CNGB1: variants seen among roughly 807,000 people sequenced by gnomAD.
The protein encoded by CNGB1 is cyclic nucleotide-gated channel beta-1.
A neutral mutation model predicts 151.7 loss-of-function variants in CNGB1; 126 were observed. That is an observed-to-expected ratio of 0.83 (90% confidence interval 0.72 to 0.96). CNGB1 has a LOEUF of 0.96. Among genes scored for constraint, CNGB1 ranks in the 40% least tolerant of loss-of-function variants. CNGB1 has a pLI of 0.00. For synonymous variants in CNGB1, 623 were observed against 635.1 expected (o/e 0.98, Z 0.29); for missense variants, 1,698 against 1,627.0 (o/e 1.04, Z -0.75).
intron 14 of CNGB1, among the ~76,000 whole-genome samples, 161 bp from the exon 15 acceptor site, chr16:57,940,482 A>T (rs1219018165): frequency 1.3e-5 from 2 of 152,152 alleles, no homozygotes; most frequent in African/African-American, 4.8e-5. Flanking sequence ...GTGTCCTACT[A>T]ACAATCACCC....
intron 14 of CNGB1, 43 bp downstream of exon 14, chr16:57,949,310 C>T (rs1220474499): frequency 6.2e-7 from 1 of 1,602,996 alleles, no homozygotes; most frequent in South Asian, 1.1e-5. Flanking sequence ...TCAGCCAACC[C>T]CAGCCCCAGG....
chr16:57,962,887 C>A lies in CNGB1; in HGVS notation c.382-15G>T. On this transcript the variant is annotated splice_polypyrimidine_tract_variant and intron_variant, in intron 5 of 32. Coordinates refer to ENST00000251102, the MANE Select transcript of CNGB1 (RefSeq NM_001297.5). ...TGCCCCAGGATCTGCCAGGGACAGA[C>A]AGACAGACATGGGCAGGGAGCCCAA... is the stretch of plus-strand genomic sequence containing the variant. 1 of 1,612,636 alleles carries A rather than the reference C, an allele frequency of 6.2e-7. No homozygotes were observed. The highest frequency in any genetic ancestry group is 2.2e-5 in the East Asian group (1 of 44,878).
At chr16:57,912,691 C>G (rs1411729749) in intron 24 of CNGB1, among the ~76,000 whole-genome samples, 1 of 147,636 alleles carries the variant, frequency 6.8e-6, no homozygotes, top group African/African-American at 2.5e-5. Flanking sequence ...TGTGTTATAT[C>G]TCTGTTGTGT....
rs540706326 is a variant in CNGB1 at position 57,887,891 on chromosome 16, C to T, written c.3426G>A (p.Leu1142=). 1 of 1,614,220 alleles carries T rather than the reference C, an allele frequency of 6.2e-7. No homozygotes were observed. Among genetic ancestry groups the T allele is most frequent in the African/African-American group, 1.3e-5 (1 of 75,054 alleles). Residue 1142 remains leucine, a synonymous_variant, in exon 32 of 33, where the codon CTG becomes CTA. Transcript: ENST00000251102. ...ACTCTTGCTGCTTTGCAGCCGCCTC[C>T]AGCGCGGCCAGTTCTTTGAGCCGGG... The part of the protein sequence containing the change: ...LRARLKELAA[L]EAAAKQQELV...
chr16:57,924,732 C>T lies in CNGB1; in HGVS notation c.1536-1352G>A, dbSNP rs554590576. 2.0e-4 allele frequency among the ~76,000 whole-genome samples: 30 copies of T among 152,100 alleles called. 1 individual carries two copies. Among genetic ancestry groups the T allele is most frequent in the Non-Finnish European group, 3.5e-4 (24 of 68,034 alleles). On this transcript the variant is annotated intron_variant, in intron 17 of 32. Coordinates refer to ENST00000251102, the MANE Select transcript of CNGB1 (RefSeq NM_001297.5). ...GGGCTTGGTGGACGTGATTAGATCA[C>T]GGGGGCGGAGTTCTCATGAATGGTT...
intron 17 of CNGB1, 108 bp from the exon 18 acceptor site, chr16:57,923,488 A>C: frequency 6.7e-6 from 6 of 889,134 alleles, no homozygotes; most frequent in Non-Finnish European, 1.1e-5. Context: ...TCCTAGATAG[A>C]GGATGGGGGG....
At chr16:57,958,642 C>T (rs867492012) in intron 10 of CNGB1, among the ~76,000 whole-genome samples, 157 bp from the exon 11 acceptor site, 1 of 152,194 alleles carries the variant, frequency 6.6e-6, no homozygotes, top group African/African-American at 2.4e-5. Context: ...GACCATTCTC[C>T]CCCCTCTCCA....
At chr16:57,938,366 G>A (rs1839615498) in intron 16 of CNGB1, among the ~76,000 whole-genome samples, 1 of 152,180 alleles carries the variant, frequency 6.6e-6, no homozygotes, top group Non-Finnish European at 1.5e-5. Flanking sequence ...AGGATACCCA[G>A]GGTTAGGACA....
intron 26 of CNGB1, 117 bp from the exon 27 acceptor site, chr16:57,904,098 G>A (rs1179695858): frequency 1.2e-6 from 1 of 861,734 alleles, no homozygotes; most frequent in African/African-American, 1.7e-5. Context: ...TCCTGGCAGG[G>A]CGTTGGGAGG....
At chr16:57,908,869 GC>G (rs1567372297) in intron 25 of CNGB1, among the ~76,000 whole-genome samples, 2 of 152,198 alleles carry the variant, frequency 1.3e-5, no homozygotes, top group African/African-American at 4.8e-5. Flanking sequence ...TCTGCTGCCT[GC>G]CCTCACCCCC....
chr16:57,939,857 G>C (rs1455358940), intron 15 of CNGB1, among the ~76,000 whole-genome samples: 1 of 152,196 alleles, frequency 6.6e-6, no homozygotes, highest in Non-Finnish European at 1.5e-5. Flanking sequence ...CTGGCACATG[G>C]GGGAACAAAG....
In CNGB1 at chr16:57,903,896, T is replaced by C; in HGVS notation, c.2720A>G (p.Tyr907Cys). Reference protein sequence around the residue: ...MDSTVKYMNFYKIPKSVQNRV... With the variant: ...MDSTVKYMNFCKIPKSVQNRV... ...GTTCTGCACGGACTTGGGGATCTTG[T>C]AGAAATTCATGTACTTCACCGTGCT... The change falls in exon 27 of 33, where the codon TAC (tyrosine) becomes TGC (cysteine). Residue 907 changes from tyrosine to cysteine, a missense_variant. Transcript: ENST00000251102. 6.2e-7 allele frequency: 1 copy of C among 1,614,190 alleles called. No homozygotes were observed.
At chr16:57,940,115 T>C in intron 15 of CNGB1, 119 bp downstream of exon 15, 3 of 984,326 alleles carry the variant, frequency 3.0e-6, no homozygotes, top group Non-Finnish European at 4.7e-6. Flanking sequence ...CTGCTCCCTC[T>C]GTCCTGCGGG....
At chr16:57,927,153 T>TAGTAACC (rs1961213115) in intron 17 of CNGB1, among the ~76,000 whole-genome samples, 2 of 152,210 alleles carry the variant, frequency 1.3e-5, no homozygotes. Context: ...CTCACAATTC[T>TAGTAACC]AGTAACCAGG....
intron 31 of CNGB1, among the ~76,000 whole-genome samples, chr16:57,893,334 G>A (rs1456836502): frequency 6.6e-6 from 1 of 152,126 alleles, no homozygotes; most frequent in Admixed American, 6.5e-5. Context: ...ATAACTCACT[G>A]TAACCTTAAA....
In CNGB1 at chr16:57,888,507, C is replaced by T. The variant is rs908035552; in HGVS notation, c.3243-433G>A. ...TCTTTCTCACAGGGTCTGGCTCTGT[C>T]GCCCAGGCAGGAGTGTAGTGGCGTG... On this transcript the variant is annotated intron_variant, in intron 31 of 32. Transcript: ENST00000251102. Among the ~76,000 whole-genome samples, 6 of 152,010 alleles carry T rather than the reference C, an allele frequency of 3.9e-5. No individual in the cohort carries two copies. The East Asian group carries it at 5.8e-4, about 15-fold the overall frequency.
At chr16:57,941,990 T>C (rs1961681057) in intron 14 of CNGB1, among the ~76,000 whole-genome samples, 1 of 152,198 alleles carries the variant, frequency 6.6e-6, no homozygotes, top group Admixed American at 6.5e-5. Flanking sequence ...TAGCTGGGAC[T>C]ACAGGCATGC....
intron 16 of CNGB1, 97 bp downstream of exon 16, chr16:57,939,333 G>C (rs909028570): frequency 6.5e-7 from 1 of 1,542,776 alleles, no homozygotes; most frequent in Non-Finnish European, 8.9e-7. Flanking sequence ...GAGATGGAGG[G>C]AGAGGAGGAG....
intron 29 of CNGB1, among the ~76,000 whole-genome samples, chr16:57,898,766 G>A (rs186266581): frequency 1.2e-3 from 186 of 152,250 alleles, no homozygotes; most frequent in African/African-American, 4.1e-3. Context: ...CCTCAGAGTC[G>A]AGATCACTCT....
Sources: allele counts gnomAD v4.1 joint callset (sites outside exome capture counted in the v4.1 genomes callset), GRCh38; gene constraint gnomAD v4.1.1; transcripts MANE v1.5; gene names NCBI Gene and HGNC (gene_info 2026-07-23, HGNC 2026-07-21).